The following ARHGEF12 variants were observed in gnomAD, a reference collection of about 807,000 sequenced individuals.
ARHGEF12 encodes Rho guanine nucleotide exchange factor 12.
A neutral mutation model predicts 211.2 loss-of-function variants in ARHGEF12; 66 were observed. The ratio of observed to expected loss-of-function variants is 0.31; its 90% CI spans 0.26 to 0.38. ARHGEF12 has a LOEUF of 0.38. Among genes scored for constraint, ARHGEF12 ranks in the 10% least tolerant of loss-of-function variants. The probability of loss-of-function intolerance (pLI) is 1.00; values close to 1 mark genes in which losing one functional copy is unlikely to be tolerated. For synonymous variants in ARHGEF12, 592 were observed against 638.4 expected (o/e 0.93, Z 1.09); for missense variants, 1,429 against 1,869.5 (o/e 0.76, Z 4.34).
intron 7 of ARHGEF12, among the ~76,000 whole-genome samples, chr11:120,425,350 T>G (rs556428239): frequency 1.3e-4 from 20 of 152,122 alleles, no homozygotes; most frequent in African/African-American, 4.8e-4. Flanking sequence ...TTTTTTTTTT[T>G]TTTTTGTTTG....
chr11:120,340,178 A>G (rs1015862161), intron 1 of ARHGEF12, among the ~76,000 whole-genome samples: 1 of 152,196 alleles, frequency 6.6e-6, no homozygotes, highest in African/African-American at 2.4e-5. Flanking sequence ...AATCGTTTCC[A>G]ATCCTCCTAC....
At chr11:120,339,640 G>A (rs537976023) in intron 1 of ARHGEF12, among the ~76,000 whole-genome samples, 1 of 152,334 alleles carries the variant, frequency 6.6e-6, no homozygotes, top group East Asian at 1.9e-4. Context: ...TTTCATTGTG[G>A]TGCTTCTGAC....
intron 1 of ARHGEF12, among the ~76,000 whole-genome samples, chr11:120,385,967 T>A (rs796707116): frequency 6.6e-5 from 10 of 152,248 alleles, no homozygotes; most frequent in African/African-American, 2.2e-4. Flanking sequence ...GGGATTAATA[T>A]TACAGTGGGG....
intron 33 of ARHGEF12, 60 bp from the exon 34 acceptor site, chr11:120,476,601 A>T: frequency 7.9e-7 from 1 of 1,272,126 alleles, no homozygotes; most frequent in Non-Finnish European, 1.1e-6. Flanking sequence ...GACCCTAAAA[A>T]CATCCCTCAT....
In ARHGEF12 at chr11:120,469,315, A is replaced by G; in HGVS notation, c.2882A>G (p.Lys961Arg). 6.2e-7 allele frequency: 1 copy of G among 1,613,414 alleles called. No individual in the cohort carries two copies. Among genetic ancestry groups the G allele is most frequent in the Non-Finnish European group, 8.5e-7 (1 of 1,179,634 alleles). ...TEWPTEREKV[K>R]KAADHCRQIL... ...TGGCCAACAGAAAGGGAGAAGGTGA[A>G]GAAAGCTGCAGATCACTGTCGTCAG... The change falls in exon 30 of 41, where the codon AAG becomes AGG. Residue 961 changes from lysine to arginine, a missense_variant. Lys to Arg is a conservative substitution (Grantham distance 26). This residue lies in a region of ARHGEF12 where 223 missense variants were observed against 444.6 expected (regional missense o/e 0.50). Coordinates refer to ENST00000397843, the MANE Select transcript of ARHGEF12 (RefSeq NM_015313.3).
chr11:120,478,518 T>C (rs917518353), intron 37 of ARHGEF12, 129 bp downstream of exon 37: 1 of 893,020 alleles, frequency 1.1e-6, no homozygotes, highest in Non-Finnish European at 1.7e-6. Context: ...TAGTATTCTC[T>C]ACAGTGGCCC....
Position 120,487,710 on chromosome 11 carries a change from T to A in ARHGEF12, c.*2633T>A, listed in dbSNP as rs1947432198. ...CAGAGCAAGCAGGCTGCATTTTAGC[T>A]ATGGAAGTGACCTGCTGTGACACTG... On this transcript the variant is annotated 3_prime_UTR_variant, in exon 41 of 41. Transcript: ENST00000397843. The A allele has an allele frequency of 9.1e-6, 2 of 219,654 alleles. No homozygotes were observed. The highest frequency in any genetic ancestry group is 1.2e-4 in the Admixed American group (2 of 17,320). The allele number at this position is 219,654 out of a possible 1,614,324, so 13.6% of individuals were successfully genotyped here. A position where few individuals can be genotyped will look rare whatever the true frequency, so the allele number is the denominator to read the frequency against.
intron 39 of ARHGEF12, among the ~76,000 whole-genome samples, chr11:120,483,435 T>TATTTTTGTTTATTTA (rs1947311935): frequency 6.7e-6 from 1 of 149,140 alleles, no homozygotes; most frequent in Admixed American, 6.7e-5. Context: ...AAATTTTTTT[T>TATTTTTGTTTATTTA]TTTTTTTAAA....
intron 27 of ARHGEF12, chr11:120,462,834 G>C (rs986885877): frequency 6.6e-6 from 1 of 152,128 alleles, no homozygotes; most frequent in Non-Finnish European, 1.5e-5. Flanking sequence ...TTCCAACTTC[G>C]ACAGTTTTTT....
chr11:120,467,661 A>G, intron 29 of ARHGEF12, among the ~76,000 whole-genome samples: 1 of 141,666 alleles, frequency 7.1e-6, no homozygotes, highest in Non-Finnish European at 1.5e-5. Context: ...GGCTGGTCTC[A>G]AACTCCTGGC....
chr11:120,437,220 C>A, intron 11 of ARHGEF12, 88 bp from the exon 12 acceptor site: 3 of 845,780 alleles, frequency 3.5e-6, no homozygotes, highest in African/African-American at 1.8e-5. Flanking sequence ...ATATGAAATT[C>A]AGAACAATTT....
At chr11:120,454,632 G>A (rs1362274988) in intron 22 of ARHGEF12, among the ~76,000 whole-genome samples, 3 of 152,098 alleles carry the variant, frequency 2.0e-5, no homozygotes, top group Non-Finnish European at 4.4e-5. Context: ...CTGTCATAAA[G>A]TTGCAGTCAA....
intron 1 of ARHGEF12, chr11:120,337,629 T>C (rs527814572): frequency 3.2e-5 from 32 of 985,320 alleles, no homozygotes; most frequent in Middle Eastern, 1.0e-3. Flanking sequence ...TCGGTATTGG[T>C]GTATTATTTA....
intron 1 of ARHGEF12, among the ~76,000 whole-genome samples, chr11:120,401,441 A>AAATAAT (rs1407443701): frequency 6.6e-6 from 1 of 152,186 alleles, no homozygotes; most frequent in Non-Finnish European, 1.5e-5. Flanking sequence ...ATTTTGTGAA[A>AAATAAT]AATAATAATA....
intron 23 of ARHGEF12, 84 bp from the exon 24 acceptor site, chr11:120,457,637 T>A: frequency 2.0e-6 from 2 of 1,020,364 alleles, no homozygotes; most frequent in Non-Finnish European, 2.8e-6. Context: ...CTGCTGGAGT[T>A]TAACCTAGCT....
chr11:120,465,918 A>G (rs976475349), intron 28 of ARHGEF12, among the ~76,000 whole-genome samples: 3 of 152,240 alleles, frequency 2.0e-5, no homozygotes, highest in Non-Finnish European at 4.4e-5. Flanking sequence ...TCAGTAAACA[A>G]CCGTATGCTC....
intron 1 of ARHGEF12, among the ~76,000 whole-genome samples, chr11:120,353,958 G>C (rs1455097191): frequency 6.6e-6 from 1 of 152,204 alleles, no homozygotes; most frequent in African/African-American, 2.4e-5. Context: ...GCTGGGTGAT[G>C]CTGGGGGAAT....
intron 23 of ARHGEF12, 80 bp downstream of exon 23, chr11:120,457,330 A>G: frequency 6.6e-7 from 1 of 1,506,620 alleles, no homozygotes; most frequent in Non-Finnish European, 9.0e-7. Context: ...ACTTAGTAGC[A>G]TTCTAGCACT....
chr11:120,414,996 A>G (rs527340753), intron 4 of ARHGEF12, among the ~76,000 whole-genome samples: 54 of 152,342 alleles, frequency 3.5e-4, no homozygotes, highest in Admixed American at 2.5e-3. Flanking sequence ...CATATAGCAC[A>G]TATCAAAGTA....
Sources: gnomAD v4.1 joint callset for allele counts (sites outside exome capture counted in the v4.1 genomes callset) on GRCh38, gnomAD v4.1.1 for gene constraint, gnomAD v4.1.1 regional missense constraint, MANE v1.5 for transcripts, NCBI Gene and HGNC (gene_info 2026-07-23, HGNC 2026-07-21) for gene names.